The following VXN variants were observed in gnomAD, a reference collection of about 807,000 sequenced individuals.
VXN encodes the protein uncharacterized protein C8orf46.
Under a neutral mutation model 23.1 loss-of-function variants are expected in VXN, and 7 were observed. The observed-to-expected ratio is 0.30, with a 90% confidence interval of 0.17 to 0.57. The LOEUF (loss-of-function observed/expected upper bound fraction) is 0.57, where lower values mean the gene tolerates loss of function less well. Among genes scored for constraint, VXN ranks in the 20% least tolerant of loss-of-function variants. The pLI is 0.91. For synonymous variants in VXN, 120 were observed against 105.8 expected (o/e 1.13, Z -0.83); for missense variants, 238 against 272.6 (o/e 0.87, Z 0.89).
At chr8:66,498,827 T>A (rs1807656524) in intron 2 of VXN, 1 of 456,382 alleles carries the variant, frequency 2.2e-6, no homozygotes, top group Non-Finnish European at 4.4e-6. Context: ...ATTTACAGAC[T>A]CTACTTGACC....
intron 3 of VXN, among the ~76,000 whole-genome samples, chr8:66,508,979 G>A (rs1031860063): frequency 2.0e-5 from 3 of 152,178 alleles, no homozygotes; most frequent in African/African-American, 7.2e-5. Flanking sequence ...CAGCCTGAAT[G>A]ACAGAGTGAG....
chr8:66,505,448 C>A lies in VXN; in HGVS notation c.200C>A (p.Pro67His). The A allele has an allele frequency of 6.4e-7, 1 of 1,574,510 alleles. No homozygotes were observed. Among genetic ancestry groups the A allele is most frequent in the Non-Finnish European group, 8.6e-7 (1 of 1,160,734 alleles). The change falls in exon 3 of 6, where the codon CCT becomes CAT. Residue 67 changes from proline (P) to histidine (H), a missense_variant. Pro to His is a moderately conservative substitution (Grantham distance 77). Around this residue, in one of 2 missense-constraint regions of VXN, gnomAD observed 223 missense variants for 236.9 expected, o/e 0.94. Transcript: ENST00000305454. ...CCCCACCGCGGAGACCGCAGGGACCCTGGCGACCGCCGCAGGTTTGGGCGG... is the reference window on the plus strand; with the variant it reads ...CCCCACCGCGGAGACCGCAGGGACCATGGCGACCGCCGCAGGTTTGGGCGG... The part of the protein sequence containing the change: ...LLPHRGDRRD[P>H]GDRRRFGRLQ...
intron 4 of VXN, 75 bp downstream of exon 4, chr8:66,510,232 T>C: frequency 1.7e-6 from 2 of 1,210,042 alleles, no homozygotes; most frequent in South Asian, 2.8e-5. Flanking sequence ...TCCTGTGCCA[T>C]GAAGAGAGAC....
At chr8:66,510,048 A>G in intron 3 of VXN, 48 bp from the exon 4 acceptor site, 1 of 1,543,626 alleles carries the variant, frequency 6.5e-7, no homozygotes, top group Non-Finnish European at 9.0e-7. Context: ...AGTGGGAGGC[A>G]GAACACAGAG....
At chr8:66,503,747 A>C (rs1807716877) in intron 2 of VXN, among the ~76,000 whole-genome samples, 1 of 152,208 alleles carries the variant, frequency 6.6e-6, no homozygotes, top group Non-Finnish European at 1.5e-5. Context: ...TAAGACCATC[A>C]GCAGCAAGCC....
At chr8:66,506,879 A>G (rs1003364506) in intron 3 of VXN, among the ~76,000 whole-genome samples, 15 of 115,476 alleles carry the variant, frequency 1.3e-4, no homozygotes, top group African/African-American at 5.1e-4. Flanking sequence ...GCAAATTAAG[A>G]CGAGATAGAT....
At chr8:66,513,444 G>A in intron 4 of VXN, 96 bp from the exon 5 acceptor site, 6 of 1,000,806 alleles carry the variant, frequency 6.0e-6, no homozygotes, top group South Asian at 1.3e-5. Context: ...GGCGGTGGTG[G>A]TTCCATTCAG....
At chr8:66,506,888 A>C (rs1373936568) in intron 3 of VXN, among the ~76,000 whole-genome samples, 1 of 81,358 alleles carries the variant, frequency 1.2e-5, no homozygotes, top group Non-Finnish European at 2.2e-5. Context: ...GACGAGATAG[A>C]TTTTTCTCTG....
chr8:66,497,148 G>T (rs1234257006), intron 2 of VXN, among the ~76,000 whole-genome samples: 1 of 152,150 alleles, frequency 6.6e-6, no homozygotes, highest in East Asian at 1.9e-4. Flanking sequence ...CTTCCAAAGT[G>T]CTGGGATTAC....
At position 66,504,803 on chromosome 8, in the gene VXN, C is replaced by T. The variant is rs1052496185; in HGVS notation, c.127-572C>T. 3.7e-4 allele frequency among the ~76,000 whole-genome samples: 56 copies of T among 152,306 alleles called. 1 individual carries two copies. The highest frequency in any genetic ancestry group is 1.3e-3 in the African/African-American group (55 of 41,578). On this transcript the variant is annotated intron_variant, in intron 2 of 5. Transcript: ENST00000305454. ...CACTCTGCACTGGGAAGTGGGGACGCGGGTAGGAGAGCACCCCGTGCCCCC... is the reference window on the plus strand; with the variant it reads ...CACTCTGCACTGGGAAGTGGGGACGTGGGTAGGAGAGCACCCCGTGCCCCC...
chr8:66,512,809 T>C (rs1006916539), intron 4 of VXN, among the ~76,000 whole-genome samples: 2 of 152,150 alleles, frequency 1.3e-5, no homozygotes, highest in African/African-American at 4.8e-5. Context: ...GATATTGCTG[T>C]GCCAGCATCA....
intron 4 of VXN, chr8:66,510,445 G>A (rs1378448593): frequency 3.2e-6 from 1 of 308,698 alleles, no homozygotes; most frequent in African/African-American, 2.2e-5. Context: ...TGAGGGGTGG[G>A]GGCAGGATGG....
At chr8:66,499,554 TTTTG>T (rs113730800) in intron 2 of VXN, among the ~76,000 whole-genome samples, 4 of 151,454 alleles carry the variant, frequency 2.6e-5, no homozygotes, top group African/African-American at 9.7e-5. Context: ...TTTTTTTGTT[TTTTG>T]TTTGTTTGTT....
intron 2 of VXN, among the ~76,000 whole-genome samples, chr8:66,499,611 A>G (rs1019748576): frequency 1.3e-5 from 2 of 152,022 alleles, no homozygotes; most frequent in Non-Finnish European, 2.9e-5. Context: ...GCTGGAGTGC[A>G]GTGGCACCAT....
At position 66,511,657 on chromosome 8, in the gene VXN, T is replaced by A. The variant is rs182857121; in HGVS notation, c.342+1500T>A. On this transcript the variant is annotated intron_variant, in intron 4 of 5. Transcript: ENST00000305454. ...TCTTTGACTGCCTGGCCCCAGCCCTTAAGCTGGCTTCAGACAGTGCCCTTG... is the reference window on the plus strand; with the variant it reads ...TCTTTGACTGCCTGGCCCCAGCCCTAAAGCTGGCTTCAGACAGTGCCCTTG... Among the ~76,000 whole-genome samples the A allele has an allele frequency of 2.7e-3, 409 of 152,252 alleles. 3 individuals are homozygous for A. The highest frequency in any genetic ancestry group is 8.5e-3 in the African/African-American group (354 of 41,552).
At chr8:66,500,454 G>A (rs1807678190) in intron 2 of VXN, among the ~76,000 whole-genome samples, 1 of 152,134 alleles carries the variant, frequency 6.6e-6, no homozygotes, top group African/African-American at 2.4e-5. Flanking sequence ...TTTCATAGAT[G>A]TATTGATCAT....
At chr8:66,515,051 A>T (rs1422788732) in intron 5 of VXN, among the ~76,000 whole-genome samples, 1 of 152,232 alleles carries the variant, frequency 6.6e-6, no homozygotes, top group Non-Finnish European at 1.5e-5. Flanking sequence ...TGATTCTGTT[A>T]TATCCAATAA....
chr8:66,506,207 CAGAGAGAGAG>C (rs150065293), intron 3 of VXN, among the ~76,000 whole-genome samples: 3 of 140,102 alleles, frequency 2.1e-5, no homozygotes, highest in African/African-American at 5.4e-5. Flanking sequence ...ATTTATTTAA[CAGAGAGAGAG>C]AGAGAGAGAG....
intron 2 of VXN, chr8:66,498,740 T>C (rs1187850123): frequency 9.4e-6 from 4 of 424,844 alleles, no homozygotes; most frequent in African/African-American, 2.0e-5. Flanking sequence ...TGCAGATTGG[T>C]GTGAGATTTC....
Sources: allele counts gnomAD v4.1 joint callset (sites outside exome capture counted in the v4.1 genomes callset), GRCh38; gene constraint gnomAD v4.1.1; regional missense constraint gnomAD v4.1.1; transcripts MANE v1.5; gene names NCBI Gene and HGNC (gene_info 2026-07-23, HGNC 2026-07-21).